ATP10B: variants seen among roughly 807,000 people sequenced by gnomAD.
The protein encoded by ATP10B is ATPase phospholipid transporting 10B (putative), also known as phospholipid-transporting ATPase VB.
In ATP10B, 122 loss-of-function variants were observed where a neutral mutation model predicts 141.2. That is an observed-to-expected ratio of 0.86 (90% CI 0.75 to 1.00). ATP10B has a LOEUF of 1.00. Ranked by LOEUF, ATP10B falls within the 50% of genes least tolerant of loss-of-function variation. The pLI is 0.00. For missense variants in ATP10B, 1,876 were observed against 1,825.3 expected (o/e 1.03, Z -0.51); for synonymous variants, 685 against 692.0 (o/e 0.99, Z 0.16).
At chr5:160,859,396 T>TA in the ATP10B span, among the ~76,000 whole-genome samples, 1 of 151,936 alleles carries the variant, frequency 6.6e-6, no homozygotes, top group Non-Finnish European at 1.5e-5. Flanking sequence ...TTCTTTGTCT[T>TA]TGCCTTTCAG....
chr5:160,606,858 G>T lies in ATP10B; in HGVS notation c.3067C>A (p.Arg1023=). 3.7e-6 allele frequency: 6 copies of T among 1,614,128 alleles called. No individual in the cohort carries two copies. Among genetic ancestry groups the T allele is most frequent in the Non-Finnish European group, 5.1e-6 (6 of 1,180,016 alleles). The change falls in exon 19 of 26, where the codon CGG becomes AGG. Residue 1023 remains arginine (R), a synonymous_variant. Coordinates refer to ENST00000327245, the MANE Select transcript of ATP10B (RefSeq NM_025153.3). ...GTGGAGCGGCAGCACAGGACGGACC[G>T]ACAATACTGGGTCAATTCCAGAAAC... ...KKFLELTQYC[R]SVLCCRSTPL...
At chr5:160,891,661 C>G in the ATP10B span, among the ~76,000 whole-genome samples, 3 of 152,174 alleles carry the variant, frequency 2.0e-5, no homozygotes, top group Admixed American at 2.0e-4. Context: ...TAATCTTGAA[C>G]TCCTGGCCTC....
At chr5:160,916,571 G>A in the ATP10B span, among the ~76,000 whole-genome samples, 944 of 152,248 alleles carry the variant, frequency 6.2e-3, 5 homozygotes, top group Admixed American at 0.01. Context: ...CATCGCACAT[G>A]TTTAACTCCT....
At chr5:160,867,027 T>G in the ATP10B span, among the ~76,000 whole-genome samples, 120 of 152,240 alleles carry the variant, frequency 7.9e-4, 3 homozygotes, top group South Asian at 0.024. Flanking sequence ...CAGATCTAGA[T>G]TTATGTCCTA....
intron 22 of ATP10B, 96 bp from the exon 23 acceptor site, chr5:160,591,235 G>C: frequency 1.1e-6 from 1 of 922,530 alleles, no homozygotes; most frequent in Admixed American, 2.3e-5. Context: ...CAGACAACCA[G>C]ACGCATACAA....
chr5:160,601,702 C>T (rs1466539380), intron 21 of ATP10B, among the ~76,000 whole-genome samples: 1 of 152,124 alleles, frequency 6.6e-6, no homozygotes, highest in Non-Finnish European at 1.5e-5. Flanking sequence ...ATTATAGTTT[C>T]CCCATATTAT....
Position 160,663,053 on chromosome 5 carries a change from G to A in ATP10B, c.675+7410C>T, listed in dbSNP as rs1265500880. Among the ~76,000 whole-genome samples the A allele has an allele frequency of 3.3e-5, 5 of 152,276 alleles. No homozygotes were observed. The East Asian group carries it at 7.7e-4, about 23-fold the overall frequency. ...ACATGAAAAAATGCTCATCATCAGT[G>A]GCCATCAGAGAAATGCAAATCAAAA... is the stretch of plus-strand genomic sequence containing the variant. On this transcript the variant is annotated intron_variant, in intron 7 of 25. Transcript: ENST00000327245.
the ATP10B span, among the ~76,000 whole-genome samples, chr5:160,904,959 C>A: frequency 6.6e-6 from 1 of 151,964 alleles, no homozygotes; most frequent in African/African-American, 2.4e-5. Context: ...AGACTGAGGC[C>A]CAAAGAGAGG....
At chr5:160,893,783 A>T in the ATP10B span, among the ~76,000 whole-genome samples, 1 of 152,174 alleles carries the variant, frequency 6.6e-6, no homozygotes, top group East Asian at 1.9e-4. Context: ...CAGACACCTC[A>T]TGCAGGAGAG....
At chr5:160,830,846 ACT>A (rs1033418070) in intron 1 of ATP10B, among the ~76,000 whole-genome samples, 139 of 151,888 alleles carry the variant, frequency 9.2e-4, no homozygotes, top group African/African-American at 3.0e-3. Flanking sequence ...TCAACCTCGG[ACT>A]CTTATTTTAG....
intron 22 of ATP10B, among the ~76,000 whole-genome samples, chr5:160,597,808 G>T (rs1486623103): frequency 6.6e-6 from 1 of 152,076 alleles, no homozygotes; most frequent in Non-Finnish European, 1.5e-5. Flanking sequence ...CACCATGACT[G>T]GCTATCAGAG....
chr5:160,805,240 C>A (rs1210686399), intron 1 of ATP10B, among the ~76,000 whole-genome samples: 2 of 152,164 alleles, frequency 1.3e-5, no homozygotes, highest in Non-Finnish European at 2.9e-5. Context: ...GTATACTAAT[C>A]TGATAAGAAA....
intron 7 of ATP10B, among the ~76,000 whole-genome samples, chr5:160,659,634 G>C (rs565879532): frequency 1.3e-5 from 2 of 152,128 alleles, no homozygotes; most frequent in South Asian, 2.1e-4. Context: ...TGTGTGAGGA[G>C]AGTGTGTACC....
intron 1 of ATP10B, among the ~76,000 whole-genome samples, chr5:160,809,439 G>A (rs1251986493): frequency 6.6e-6 from 1 of 152,004 alleles, no homozygotes; most frequent in Non-Finnish European, 1.5e-5. Flanking sequence ...TATATTTCTG[G>A]TGTGCATAGT....
chr5:160,596,887 TAA>T (rs1756733317), intron 22 of ATP10B, among the ~76,000 whole-genome samples: 1 of 152,052 alleles, frequency 6.6e-6, no homozygotes, highest in Non-Finnish European at 1.5e-5. Context: ...CTCAATGAAA[TAA>T]AAGAGGATAC....
intron 24 of ATP10B, among the ~76,000 whole-genome samples, chr5:160,574,978 T>C (rs1219302706): frequency 6.6e-6 from 1 of 152,164 alleles, no homozygotes; most frequent in Non-Finnish European, 1.5e-5. Context: ...AGGTGTTCTG[T>C]TGCAATAGCA....
chr5:160,758,482 T>C (rs549786988), intron 2 of ATP10B, among the ~76,000 whole-genome samples: 1 of 152,328 alleles, frequency 6.6e-6, no homozygotes, highest in South Asian at 2.1e-4. Context: ...ACTGTCCTCT[T>C]GGTTCCTTTA....
the ATP10B span, among the ~76,000 whole-genome samples, chr5:160,858,921 C>T: frequency 9.8e-4 from 149 of 151,758 alleles, 1 homozygote; most frequent in South Asian, 0.028. Flanking sequence ...GCAAATGAAA[C>T]GTGTCATAAT....
At chr5:160,702,923 C>A (rs374442783) in intron 3 of ATP10B, among the ~76,000 whole-genome samples, 357 of 152,252 alleles carry the variant, frequency 2.3e-3, no homozygotes, top group African/African-American at 8.2e-3. Context: ...TTCTATATAC[C>A]ATTTTTATTC....
Sources: allele counts gnomAD v4.1 joint callset (sites outside exome capture counted in the v4.1 genomes callset), GRCh38; gene constraint gnomAD v4.1.1; transcripts MANE v1.5; gene names NCBI Gene and HGNC (gene_info 2026-07-23, HGNC 2026-07-21).